Variants in GALR1 observed in about 807,000 individuals in gnomAD.
GALR1 encodes the protein galanin receptor 1.
Under a neutral mutation model 17.9 loss-of-function variants are expected in GALR1, and 11 were observed. The ratio of observed to expected loss-of-function variants is 0.62; its 90% CI spans 0.39 to 1.02. GALR1 has a LOEUF of 1.02. Among genes scored for constraint, GALR1 ranks in the 50% least tolerant of loss-of-function variants. The pLI, the probability that GALR1 is intolerant of heterozygous loss-of-function variation, is 0.01. For missense variants in GALR1, 441 were observed against 456.9 expected (o/e 0.97, Z 0.32); for synonymous variants, 206 against 205.7 (o/e 1.00, Z -0.01).
rs780459288 is a variant in GALR1 at position 77,250,624 on chromosome 18, C to A, written c.76C>A (p.Leu26Met). Residue 26 changes from leucine (L) to methionine (M), a missense_variant, in exon 1 of 3, where the codon CTG (leucine) becomes ATG (methionine). Coordinates refer to ENST00000299727, the MANE Select transcript of GALR1 (RefSeq NM_001480.4). The part of the protein sequence containing the change: ...PEPPAPEPGP[L>M]FGIGVENFVT... ...GCCCCCCGCCCCGGAGCCCGGGCCG[C>A]TGTTCGGCATCGGCGTGGAGAACTT... 6.3e-7 allele frequency: 1 copy of A among 1,587,174 alleles called. No individual in the cohort carries two copies. Among genetic ancestry groups the A allele is most frequent in the East Asian group, 2.3e-5 (1 of 43,114 alleles).
chr18:77,276,291 G>A lies in GALR1; in HGVS notation c.*7389G>A, dbSNP rs1913156965. On this transcript the variant is annotated 3_prime_UTR_variant, in exon 3 of 3. Transcript: ENST00000299727. ...ATAAAATGAACATTAGGATACTGAG[G>A]GTTTGGTCTGAATTCTGTTTTTTCA... 6.6e-6 allele frequency: 1 copy of A among 152,270 alleles called. No individual in the cohort carries two copies. The highest frequency in any genetic ancestry group is 2.4e-5 in the African/African-American group (1 of 41,564). 9.4% of individuals were successfully genotyped at this position (152,270 alleles called of 1,614,324 possible).
Position 77,276,133 on chromosome 18 carries a change from G to A in GALR1, c.*7231G>A, listed in dbSNP as rs1406752845. The A allele has an allele frequency of 6.6e-6, 1 of 152,118 alleles. No homozygotes were observed. The highest frequency in any genetic ancestry group is 1.5e-5 in the Non-Finnish European group (1 of 68,018). The allele number at this position is 152,118 out of a possible 1,614,324, so 9.4% of individuals were successfully genotyped here. A position where few individuals can be genotyped will look rare whatever the true frequency, so the allele number is the denominator to read the frequency against. On this transcript the variant is annotated 3_prime_UTR_variant, in exon 3 of 3. Coordinates refer to ENST00000299727, the MANE Select transcript of GALR1 (RefSeq NM_001480.4). ...GGTTTTCTAAGAGTCACATTTTATT[G>A]CCATATAGCACAAAATTTGACAATG...
At position 77,258,722 on chromosome 18, in the gene GALR1, A is replaced by ATG. The variant is rs1599358243; in HGVS notation, c.732+2500_732+2501dup. Among the ~76,000 whole-genome samples the ATG allele has an allele frequency of 4.4e-3, 60 of 13,506 alleles. 3 individuals are homozygous for ATG. Among genetic ancestry groups the ATG allele is most frequent in the African/African-American group, 6.9e-3 (32 of 4,660 alleles). 8.9% of individuals were successfully genotyped at this position (13,506 alleles called of 152,430 possible). The stretch of plus-strand genomic sequence containing the variant: ...TGGTCATGTGATGGTGGTGCTGGTG[A>ATG]TGGTGGTGATGGTGATGATGGTTAT... On this transcript the variant is annotated intron_variant, in intron 2 of 2. Coordinates refer to ENST00000299727, the MANE Select transcript of GALR1 (RefSeq NM_001480.4).
At position 77,251,100 on chromosome 18, in the gene GALR1, G is replaced by T. The variant is rs1325153278; in HGVS notation, c.552G>T (p.Gln184His). 6.2e-7 allele frequency: 1 copy of T among 1,612,266 alleles called. No individual in the cohort carries two copies. ...QGLFHPRASN[Q>H]TFCWEQWPDP... ...TCTTCCACCCGCGCGCCAGCAACCA[G>T]ACCTTCTGCTGGGAGCAGTGGCCCG... The change falls in exon 1 of 3, where the codon CAG becomes CAT. Residue 184 changes from glutamine to histidine, a missense_variant. Coordinates refer to ENST00000299727, the MANE Select transcript of GALR1 (RefSeq NM_001480.4).
rs1913179858 is a variant in GALR1 at position 77,277,450 on chromosome 18, T to A, written c.*8548T>A. On this transcript the variant is annotated 3_prime_UTR_variant, in exon 3 of 3. Transcript: ENST00000299727. The stretch of plus-strand genomic sequence containing the variant: ...TTCTCTCTTCGCCTGCTGCCATCCA[T>A]GTAAGATGTGACTTGCTCCTCCTTG... The A allele has an allele frequency of 6.6e-6, 1 of 152,296 alleles. No homozygotes were observed. The highest frequency in any genetic ancestry group is 1.5e-5 in the Non-Finnish European group (1 of 68,122). The allele number at this position is 152,296 out of a possible 1,614,324, so 9.4% of individuals were successfully genotyped here.
At position 77,250,259 on chromosome 18, in the gene GALR1, G is replaced by A. The variant is rs1213306059; in HGVS notation, c.-290G>A. Among the ~76,000 whole-genome samples, 1 of 152,138 alleles carries A rather than the reference G, an allele frequency of 6.6e-6. No individual in the cohort carries two copies. Among genetic ancestry groups the A allele is most frequent in the African/African-American group, 2.4e-5 (1 of 41,448 alleles). On this transcript the variant is annotated 5_prime_UTR_variant, in exon 1 of 3. Transcript: ENST00000299727. ...CTCCGTGGTCGCGCAGCGGGCGGAG[G>A]CGCCCGGGAAGGGGACCCCAGTGCT... is the stretch of plus-strand genomic sequence containing the variant.
intron 1 of GALR1, among the ~76,000 whole-genome samples, chr18:77,252,991 A>T: frequency 1.7e-5 from 1 of 59,768 alleles, no homozygotes; most frequent in African/African-American, 5.8e-5. Context: ...CACCACCATC[A>T]CCACCACCAC....
intron 2 of GALR1, among the ~76,000 whole-genome samples, chr18:77,262,214 G>C (rs1196157491): frequency 7.0e-6 from 1 of 141,910 alleles, no homozygotes; most frequent in African/African-American, 2.6e-5. Context: ...ATAGCTATCC[G>C]AATTAAAAAA....
chr18:77,267,820 A>G (rs1912975848), intron 2 of GALR1, among the ~76,000 whole-genome samples: 1 of 152,126 alleles, frequency 6.6e-6, no homozygotes, highest in Admixed American at 6.5e-5. Flanking sequence ...GTTTGTGGCC[A>G]GTGGAGGAGG....
At chr18:77,256,007 T>C (rs2144953257) in intron 1 of GALR1, 151 bp from the exon 2 acceptor site, 1 of 594,178 alleles carries the variant, frequency 1.7e-6, no homozygotes, top group Non-Finnish European at 3.0e-6. Flanking sequence ...CTCATGTTCA[T>C]TGTTACCTAA....
In GALR1 at chr18:77,250,357, G is replaced by C. The variant is rs1912368196; in HGVS notation, c.-192G>C. ...AACCCACCCTCTCTCAGAAGGTCCC[G>C]GCGCAAAGACGGTGCCACCAGGCAC... is the stretch of plus-strand genomic sequence containing the variant. On this transcript the variant is annotated 5_prime_UTR_variant, in exon 1 of 3. Coordinates refer to ENST00000299727, the MANE Select transcript of GALR1 (RefSeq NM_001480.4). 6.6e-6 allele frequency among the ~76,000 whole-genome samples: 1 copy of C among 152,142 alleles called. No homozygotes were observed. The highest frequency in any genetic ancestry group is 2.4e-5 in the African/African-American group (1 of 41,444).
At chr18:77,257,749 T>G (rs1206747248) in intron 2 of GALR1, among the ~76,000 whole-genome samples, 1 of 152,196 alleles carries the variant, frequency 6.6e-6, no homozygotes, top group Non-Finnish European at 1.5e-5. Context: ...TGGCTCCGCA[T>G]GGAAGCCAAC....
chr18:77,252,989 T>C (rs7505604), intron 1 of GALR1, among the ~76,000 whole-genome samples: 1,672 of 23,824 alleles, frequency 0.07, 25 homozygotes, highest in Middle Eastern at 0.11. Flanking sequence ...ATCACCACCA[T>C]CACCACCACC....
rs1599367609 is a variant in GALR1, at chr18:77,272,729, G to GAGACC, written c.*3827_*3828insAGACC. 6.6e-6 allele frequency: 1 copy of GAGACC among 152,178 alleles called. No homozygotes were observed. The highest frequency in any genetic ancestry group is 1.9e-4 in the East Asian group (1 of 5,196). 9.4% of individuals were successfully genotyped at this position (152,178 alleles called of 1,614,324 possible). ...TTTCTCAAGTAGATGTTAATGACTT[G>GAGACC]TTTAATTATTGACTTACTTATTTTA... is the stretch of plus-strand genomic sequence containing the variant. On this transcript the variant is annotated 3_prime_UTR_variant, in exon 3 of 3. Transcript: ENST00000299727.
rs201229811 is a variant in GALR1 at position 77,268,736 on chromosome 18, A to G, written c.884A>G (p.Asn295Ser). ...ACCGCCCACTGCCTGGCGTACAGCA[A>G]TTCCTCCGTGAATCCTATCATTTAT... ...RITAHCLAYSNSSVNPIIYAF... is the reference protein window; with the variant it reads ...RITAHCLAYSSSSVNPIIYAF... The change falls in exon 3 of 3, where the codon AAT (asparagine) becomes AGT (serine). Residue 295 changes from asparagine (N) to serine (S), a missense_variant. Physicochemically the swap from Asn to Ser is conservative, Grantham distance 46 (BLOSUM62 1). Coordinates refer to ENST00000299727, the MANE Select transcript of GALR1 (RefSeq NM_001480.4). 33 of 1,614,192 alleles carry G rather than the reference A, an allele frequency of 2.0e-5. No individual in the cohort carries two copies. Among genetic ancestry groups the G allele is most frequent in the Admixed American group, 5.0e-5 (3 of 60,018 alleles).
rs147545300 is a variant in GALR1, at chr18:77,263,279, A to G, written c.733-5306A>G. 3.1e-4 allele frequency among the ~76,000 whole-genome samples: 47 copies of G among 152,330 alleles called. 1 individual carries two copies. Among genetic ancestry groups the G allele is most frequent in the African/African-American group, 1.1e-3 (45 of 41,566 alleles). ...GATTGATAGAAGGCACTCCCTTAAT[A>G]TATGTGAGCACATTATCTGCTTGCT... On this transcript the variant is annotated intron_variant, in intron 2 of 2. Coordinates refer to ENST00000299727, the MANE Select transcript of GALR1 (RefSeq NM_001480.4).
intron 1 of GALR1, among the ~76,000 whole-genome samples, chr18:77,255,214 G>A (rs559529716): frequency 6.6e-6 from 1 of 152,200 alleles, no homozygotes; most frequent in Non-Finnish European, 1.5e-5. Context: ...CCTCAGATGG[G>A]ATATAGCAAT....
intron 1 of GALR1, among the ~76,000 whole-genome samples, chr18:77,252,914 C>CCAT (rs1912473045): frequency 3.5e-4 from 13 of 37,450 alleles, no homozygotes; most frequent in Non-Finnish European, 5.8e-4. Context: ...ACCACCACCA[C>CCAT]CACCACCATC....
rs1353047935 is a variant in GALR1 at position 77,275,524 on chromosome 18, AGACAGGTGTCTTGCTATGT to A, written c.*6626_*6644del. ...GAGTGAAAGACACGATCAGCGTGAT[AGACAGGTGTCTTGCTATGT>A]GACTTGCCATTGCGGTCACTGGTTA... is the stretch of plus-strand genomic sequence containing the variant. On this transcript the variant is annotated 3_prime_UTR_variant, in exon 3 of 3. Coordinates refer to ENST00000299727, the MANE Select transcript of GALR1 (RefSeq NM_001480.4). The A allele has an allele frequency of 6.6e-6, 1 of 152,274 alleles. No homozygotes were observed. The highest frequency in any genetic ancestry group is 1.9e-4 in the East Asian group (1 of 5,200). 9.4% of individuals were successfully genotyped at this position (152,274 alleles called of 1,614,324 possible).
Sources: allele counts gnomAD v4.1 joint callset (sites outside exome capture counted in the v4.1 genomes callset), GRCh38; gene constraint gnomAD v4.1.1; transcripts MANE v1.5; gene names NCBI Gene and HGNC (gene_info 2026-07-23, HGNC 2026-07-21).